The following ZIC3 variants were observed in gnomAD, a reference collection of about 807,000 sequenced individuals.
The protein encoded by ZIC3 is zinc finger protein ZIC 3.
A neutral mutation model predicts 18.3 loss-of-function variants in ZIC3; 6 were observed. That is an observed-to-expected ratio of 0.33 (90% CI 0.18 to 0.65). The LOEUF is 0.65. Among genes scored for constraint, ZIC3 ranks in the 30% least tolerant of loss-of-function variants. The probability of loss-of-function intolerance (pLI) is 0.75; values close to 1 mark genes in which losing one functional copy is unlikely to be tolerated. For synonymous variants in ZIC3, 175 were observed against 177.0 expected (o/e 0.99, Z 0.09); for missense variants, 260 against 410.0 (o/e 0.63, Z 3.16).
chrX:137,568,840 T>C, intron 1 of ZIC3, 62 bp from the exon 2 acceptor site: 1 of 1,182,328 alleles, frequency 8.5e-7, no homozygotes, highest in South Asian at 1.8e-5. Flanking sequence ...TCCTGCTGCT[T>C]GCCTCTGAGA....
downstream of ZIC3, among the ~76,000 whole-genome samples, chrX:137,574,665 C>T (rs994544552): frequency 4.4e-5 from 5 of 112,381 alleles, no homozygotes; most frequent in Non-Finnish European, 9.4e-5. Flanking sequence ...GAGTTGAAAG[C>T]CGCTTTGCAG....
At position 137,569,977 on chromosome X, in the gene ZIC3, C is replaced by G; in HGVS notation, c.1311C>G (p.Asn437Lys). The G allele has an allele frequency of 8.3e-7, 1 of 1,211,958 alleles. No individual in the cohort carries two copies. The highest frequency in any genetic ancestry group is 1.1e-6 in the Non-Finnish European group (1 of 895,462). The part of the protein sequence containing the change: ...SSTPPAIASA[N>K]SKDTTKTPSA... The stretch of plus-strand genomic sequence containing the variant: ...CTCCACCCGCTATAGCTTCTGCAAA[C>G]AGTAAAGATACCACTAAAACCCCTT... The change falls in exon 3 of 3, where the codon AAC becomes AAG. Residue 437 changes from asparagine (N) to lysine (K), a missense_variant. By Grantham distance (94) the Asn-to-Lys change is moderately conservative. Transcript: ENST00000287538.
Position 137,566,773 on chromosome X carries a change from C to T in ZIC3, c.82C>T (p.Pro28Ser), listed in dbSNP as rs756255074. The change falls in exon 1 of 3, where the codon CCC becomes TCC. Residue 28 changes from proline (P) to serine (S), a missense_variant. Pro to Ser is a moderately conservative substitution (Grantham distance 74, BLOSUM62 -1). Coordinates refer to ENST00000287538, the MANE Select transcript of ZIC3 (RefSeq NM_003413.4). The part of the protein sequence containing the change: ...SFGAPRHHEM[P>S]NREPAGMGLN... The stretch of plus-strand genomic sequence containing the variant: ...CGGCGCGCCGCGCCACCACGAGATG[C>T]CCAACCGTGAGCCGGCAGGCATGGG... The T allele has an allele frequency of 1.7e-6, 2 of 1,187,364 alleles. No homozygotes were observed. The highest frequency in any genetic ancestry group is 4.6e-5 in the Admixed American group (2 of 43,042).
downstream of ZIC3, among the ~76,000 whole-genome samples, chrX:137,575,090 G>A (rs930891044): frequency 4.5e-5 from 5 of 111,843 alleles, no homozygotes; most frequent in African/African-American, 1.3e-4. Context: ...ATGCCATTTC[G>A]AGTTATCAGG....
chrX:137,573,165 A>G (rs1201071905), downstream of ZIC3, among the ~76,000 whole-genome samples: 1 of 106,951 alleles, frequency 9.4e-6, no homozygotes, highest in African/African-American at 3.4e-5. Flanking sequence ...AAAAAACCAA[A>G]CAAACCAAAA....
Position 137,567,585 on chromosome X carries a change from C to T in ZIC3, c.894C>T (p.Tyr298=). The T allele has an allele frequency of 8.2e-7, 1 of 1,212,439 alleles. No homozygotes were observed. The highest frequency in any genetic ancestry group is 1.1e-6 in the Non-Finnish European group (1 of 895,671). ...CGGAGCAGAACAACCACGTCTGCTA[C>T]TGGGAGGAGTGCCCCCGGGAGGGCA... ...GGPEQNNHVC[Y]WEECPREGKS... Residue 298 remains tyrosine (Y), a synonymous_variant, in exon 1 of 3, where the codon TAC becomes TAT. Transcript: ENST00000287538.
chrX:137,569,166 G>T, intron 2 of ZIC3, 101 bp downstream of exon 2: 5 of 793,395 alleles, frequency 6.3e-6, no homozygotes, highest in Non-Finnish European at 8.6e-6. Context: ...TGTCTTCCAC[G>T]TTAAATCCGA....
chrX:137,567,339 T>G lies in ZIC3; in HGVS notation c.648T>G (p.Phe216Leu). 8.3e-7 allele frequency: 1 copy of G among 1,211,391 alleles called. No individual in the cohort carries two copies. Among genetic ancestry groups the G allele is most frequent in the Non-Finnish European group, 1.1e-6 (1 of 895,528 alleles). The change falls in exon 1 of 3, where the codon TTT becomes TTG. Residue 216 changes from phenylalanine (F) to leucine (L), a missense_variant. Transcript: ENST00000287538. ...RTDPYAAGAQ[F>L]PNYSPMNMNM... ...ACCCCTACGCGGCCGGCGCTCAGTT[T>G]CCTAACTACAGCCCCATGAACATGA... is the stretch of plus-strand genomic sequence containing the variant.
chrX:137,576,237 G>A (rs1931513474), downstream of ZIC3, among the ~76,000 whole-genome samples: 1 of 110,383 alleles, frequency 9.1e-6, no homozygotes, highest in Non-Finnish European at 1.9e-5. Flanking sequence ...CTTTTTTCTG[G>A]TTAAATCTCT....
At chrX:137,573,456 C>A (rs780517833), downstream of ZIC3, among the ~76,000 whole-genome samples, 26 of 111,692 alleles carry the variant, frequency 2.3e-4, no homozygotes, top group Non-Finnish European at 1.9e-5. Context: ...GCAAAGACCT[C>A]CGCTCACAAA....
downstream of ZIC3, among the ~76,000 whole-genome samples, chrX:137,576,319 G>C (rs1031416880): frequency 3.6e-5 from 4 of 112,049 alleles, no homozygotes. Flanking sequence ...AGACGGGTTT[G>C]TCCCTTTAAG....
chrX:137,576,871 T>C (rs961171839), downstream of ZIC3, among the ~76,000 whole-genome samples: 1 of 112,191 alleles, frequency 8.9e-6, no homozygotes, highest in Non-Finnish European at 1.9e-5. Flanking sequence ...AATAATAGCT[T>C]TCACCAGATG....
At chrX:137,574,424 T>A (rs1931484768), downstream of ZIC3, among the ~76,000 whole-genome samples, 1 of 112,912 alleles carries the variant, frequency 8.9e-6, no homozygotes, top group Non-Finnish European at 1.9e-5. Flanking sequence ...AGCGCGCACG[T>A]GTGAGAGCCG....
At position 137,567,312 on chromosome X, in the gene ZIC3, G is replaced by C; in HGVS notation, c.621G>C (p.Thr207=). The change falls in exon 1 of 3, where the codon ACG becomes ACC. Residue 207 remains threonine (T), a synonymous_variant. Coordinates refer to ENST00000287538, the MANE Select transcript of ZIC3 (RefSeq NM_003413.4). The part of the protein sequence containing the change: ...DPYRPVASPR[T]DPYAAGAQFP... Reference sequence around the variant, plus strand: ...ACCGCCCAGTGGCCAGCCCGCGCACGGACCCCTACGCGGCCGGCGCTCAGT... The same window carrying C: ...ACCGCCCAGTGGCCAGCCCGCGCACCGACCCCTACGCGGCCGGCGCTCAGT... 2 of 1,211,471 alleles carry C rather than the reference G, an allele frequency of 1.7e-6. No homozygotes were observed. Among genetic ancestry groups the C allele is most frequent in the Non-Finnish European group, 1.1e-6 (1 of 895,596 alleles).
At chrX:137,574,942 G>T (rs1473792900), downstream of ZIC3, among the ~76,000 whole-genome samples, 1 of 112,242 alleles carries the variant, frequency 8.9e-6, no homozygotes, top group Non-Finnish European at 1.9e-5. Flanking sequence ...GTTCTTCCTG[G>T]GCATTCTCCT....
chrX:137,573,558 T>G (rs112776927), downstream of ZIC3, among the ~76,000 whole-genome samples: 2,812 of 112,181 alleles, frequency 0.025, 76 homozygotes, highest in African/African-American at 0.084. Flanking sequence ...TCGCCCTGGC[T>G]CTCTCTCCCC....
chrX:137,568,387 T>TA (rs1252000172), intron 1 of ZIC3, among the ~76,000 whole-genome samples: 6 of 110,670 alleles, frequency 5.4e-5, no homozygotes, highest in African/African-American at 2.0e-4. Context: ...TCTATCTATA[T>TA]TTTTTTCCTC....
At chrX:137,568,209 T>C in intron 1 of ZIC3, among the ~76,000 whole-genome samples, 1 of 112,617 alleles carries the variant, frequency 8.9e-6, no homozygotes, top group Non-Finnish European at 1.9e-5. Flanking sequence ...ATTAAATGAC[T>C]GATACTTTTG....
chrX:137,567,127 A>G lies in ZIC3; in HGVS notation c.436A>G (p.Ser146Gly). The change falls in exon 1 of 3, where the codon AGC (serine) becomes GGC (glycine). Residue 146 changes from serine (S) to glycine (G), a missense_variant. By Grantham distance (56) the Ser-to-Gly change is moderately conservative (BLOSUM62 0). This residue lies in a region of ZIC3 where 183 missense variants were observed against 223.8 expected (regional missense o/e 0.82). Transcript: ENST00000287538. ...QHGLFAGSASSLHAPAGIPEP... is the reference protein window; with the variant it reads ...QHGLFAGSASGLHAPAGIPEP... Reference sequence around the variant, plus strand: ...CGGGCTCTTCGCCGGCTCGGCGAGCAGCCTGCATGCTCCAGCTGGCATCCC... The same window carrying G: ...CGGGCTCTTCGCCGGCTCGGCGAGCGGCCTGCATGCTCCAGCTGGCATCCC... The G allele has an allele frequency of 8.3e-7, 1 of 1,206,570 alleles. No individual in the cohort carries two copies. The highest frequency in any genetic ancestry group is 1.1e-6 in the Non-Finnish European group (1 of 893,072).
Sources: gnomAD v4.1 joint callset for allele counts (sites outside exome capture counted in the v4.1 genomes callset) on GRCh38, gnomAD v4.1.1 for gene constraint, gnomAD v4.1.1 regional missense constraint, MANE v1.5 for transcripts, NCBI Gene and HGNC (gene_info 2026-07-23, HGNC 2026-07-21) for gene names.